The following ENTPD7 variants were observed in gnomAD, a reference collection of about 807,000 sequenced individuals.
The protein encoded by ENTPD7 is ectonucleoside triphosphate diphosphohydrolase 7, also known as NTPDase 7.
Under a neutral mutation model 77.9 loss-of-function variants are expected in ENTPD7, and 53 were observed. The ratio of observed to expected loss-of-function variants is 0.68; its 90% CI spans 0.55 to 0.85. ENTPD7 has a LOEUF of 0.85. Ranked by LOEUF, ENTPD7 falls within the 40% of genes least tolerant of loss-of-function variation. ENTPD7 has a pLI of 0.00. For synonymous variants in ENTPD7, 248 were observed against 274.9 expected (o/e 0.90, Z 0.97); for missense variants, 636 against 743.7 (o/e 0.86, Z 1.68).
In ENTPD7 at chr10:99,704,685, G is replaced by A. The variant is rs2036217051; in HGVS notation, c.*2G>A. The stretch of plus-strand genomic sequence containing the variant: ...ATGGGAGTACAGGTGGGGCCGTGAG[G>A]CTGGACCAGGACTAGAGAAGCTTGA... On this transcript the variant is annotated 3_prime_UTR_variant, in exon 13 of 13. Coordinates refer to ENST00000370489, the MANE Select transcript of ENTPD7 (RefSeq NM_020354.5). 2 of 1,611,626 alleles carry A rather than the reference G, an allele frequency of 1.2e-6. No homozygotes were observed. Among genetic ancestry groups the A allele is most frequent in the Non-Finnish European group, 1.7e-6 (2 of 1,178,810 alleles).
Position 99,710,184 on chromosome 10 carries a change from C to T in ENTPD7, c.*5501C>T, listed in dbSNP as rs1474948953. On this transcript the variant is annotated 3_prime_UTR_variant, in exon 13 of 13. Coordinates refer to ENST00000370489, the MANE Select transcript of ENTPD7 (RefSeq NM_020354.5). ...AGCCCTGGTACTTTCCTAAGTGGCCCCTCCTACAGAGCACTTGCCGGCATT... is the reference window on the plus strand; with the variant it reads ...AGCCCTGGTACTTTCCTAAGTGGCCTCTCCTACAGAGCACTTGCCGGCATT... 1 of 985,286 alleles carries T rather than the reference C, an allele frequency of 1.0e-6. No individual in the cohort carries two copies. The highest frequency in any genetic ancestry group is 1.2e-6 in the Non-Finnish European group (1 of 829,936). 61.0% of individuals were successfully genotyped at this position (985,286 alleles called of 1,614,324 possible).
At chr10:99,689,546 T>C (rs771501876) in intron 7 of ENTPD7, among the ~76,000 whole-genome samples, 2 of 152,190 alleles carry the variant, frequency 1.3e-5, no homozygotes, top group Non-Finnish European at 2.9e-5. Context: ...ATATAGATGT[T>C]TGATTAGACT....
At chr10:99,702,700 T>C in intron 12 of ENTPD7, 27 bp downstream of exon 12, 1 of 1,581,382 alleles carries the variant, frequency 6.3e-7, no homozygotes, top group Non-Finnish European at 8.6e-7. Flanking sequence ...CAATCTGGTA[T>C]CTTGAGCTCA....
chr10:99,688,586 TATG>T, intron 6 of ENTPD7, 105 bp from the exon 7 acceptor site: 1 of 982,750 alleles, frequency 1.0e-6, no homozygotes. Flanking sequence ...AATAAAATAC[TATG>T]ATTACTTTTT....
At chr10:99,694,497 A>C (rs1021613294) in intron 8 of ENTPD7, among the ~76,000 whole-genome samples, 1 of 151,532 alleles carries the variant, frequency 6.6e-6, no homozygotes, top group Non-Finnish European at 1.5e-5. Flanking sequence ...TGCTGCTGTG[A>C]ACATTCATAT....
chr10:99,693,290 A>T (rs186463671), intron 8 of ENTPD7, among the ~76,000 whole-genome samples: 53 of 152,266 alleles, frequency 3.5e-4, no homozygotes, highest in African/African-American at 7.9e-4. Context: ...TCAATTTTGG[A>T]TATATTGAGT....
Position 99,710,310 on chromosome 10 carries a change from T to C in ENTPD7, c.*5627T>C, listed in dbSNP as rs566649622. The C allele has an allele frequency of 1.0e-6, 1 of 985,464 alleles. No homozygotes were observed. The highest frequency in any genetic ancestry group is 4.7e-5 in the South Asian group (1 of 21,284). The allele number at this position is 985,464 out of a possible 1,614,324, so 61.0% of individuals were successfully genotyped here. On this transcript the variant is annotated 3_prime_UTR_variant, in exon 13 of 13. Transcript: ENST00000370489. ...CTTTGGTTTCTAGTGTTTCAGTTAC[T>C]ATGTTGTATTTGAAATTCTCATTCC...
chr10:99,671,822 T>C lies in ENTPD7; in HGVS notation c.192-7439T>C, dbSNP rs575489042. ...TTGTAGCTATTGAAAGGTGGTGCCT[T>C]CATGTTCCTTTACCATCTGGAAATA... is the stretch of plus-strand genomic sequence containing the variant. On this transcript the variant is annotated intron_variant, in intron 3 of 12. Transcript: ENST00000370489. 6.8e-4 allele frequency among the ~76,000 whole-genome samples: 103 copies of C among 152,348 alleles called. 3 individuals are homozygous for C. The South Asian group carries it at 0.019, about 28-fold the overall frequency.
chr10:99,660,533 C>T (rs2035467794), intron 2 of ENTPD7: 2 of 148,308 alleles, frequency 1.3e-5, no homozygotes, highest in Non-Finnish European at 2.6e-5. Context: ...TACGCACACA[C>T]ACACACACAC....
chr10:99,684,793 T>C (rs553865111), intron 5 of ENTPD7, among the ~76,000 whole-genome samples: 126 of 152,356 alleles, frequency 8.3e-4, no homozygotes, highest in Non-Finnish European at 1.2e-3. Context: ...GATTACATGC[T>C]TAAAATGTTA....
intron 8 of ENTPD7, among the ~76,000 whole-genome samples, chr10:99,693,466 C>T (rs892846285): frequency 3.3e-5 from 5 of 152,070 alleles, no homozygotes; most frequent in Non-Finnish European, 5.9e-5. Context: ...ACAGGTAAAA[C>T]GAAGGCATGG....
Position 99,698,687 on chromosome 10 carries a change from C to A in ENTPD7, c.1164C>A (p.Pro388=), listed in dbSNP as rs766418660. ...DWVSCGAMLS[P]LLARSNTSQA... is the part of the protein sequence containing the mutation. The stretch of plus-strand genomic sequence containing the variant: ...TGTCTTGTGGGGCAATGCTGAGCCC[C>A]CTGCTGGCTCGCTCCAACACCAGCC... The change falls in exon 10 of 13, where the codon CCC becomes CCA. Residue 388 remains proline (P), a synonymous_variant. Transcript: ENST00000370489. 1.2e-6 allele frequency: 2 copies of A among 1,614,146 alleles called. No individual in the cohort carries two copies. The highest frequency in any genetic ancestry group is 3.3e-5 in the Admixed American group (2 of 60,012).
chr10:99,696,732 G>C (rs1041228954), intron 9 of ENTPD7, among the ~76,000 whole-genome samples: 53 of 152,094 alleles, frequency 3.5e-4, no homozygotes, highest in African/African-American at 1.3e-3. Context: ...TTTTAAGTCT[G>C]TAAAATTATT....
chr10:99,660,317 C>T, intron 2 of ENTPD7: 3 of 985,320 alleles, frequency 3.0e-6, no homozygotes, highest in Non-Finnish European at 3.6e-6. Flanking sequence ...TAAAAGCAGA[C>T]AGACCGAGGT....
intron 3 of ENTPD7, among the ~76,000 whole-genome samples, chr10:99,674,497 C>T (rs2035656510): frequency 2.0e-5 from 3 of 152,070 alleles, no homozygotes; most frequent in Admixed American, 2.0e-4. Flanking sequence ...TGGTAACTAC[C>T]ATTAAATTTT....
At position 99,707,736 on chromosome 10, in the gene ENTPD7, C is replaced by T. The variant is rs2036280838; in HGVS notation, c.*3053C>T. On this transcript the variant is annotated 3_prime_UTR_variant, in exon 13 of 13. Coordinates refer to ENST00000370489, the MANE Select transcript of ENTPD7 (RefSeq NM_020354.5). ...TTTTTAGTCTTGTGATAGCACAATC[C>T]ATCACTTTCCCCAAAATTCTTGTCA... Among the ~76,000 whole-genome samples, 1 of 152,308 alleles carries T rather than the reference C, an allele frequency of 6.6e-6. No homozygotes were observed. The highest frequency in any genetic ancestry group is 6.5e-5 in the Admixed American group (1 of 15,296).
In ENTPD7 at chr10:99,659,902, T is replaced by A. The variant is rs2035454782; in HGVS notation, c.-55T>A. On this transcript the variant is annotated 5_prime_UTR_variant, in exon 2 of 13. Coordinates refer to ENST00000370489, the MANE Select transcript of ENTPD7 (RefSeq NM_020354.5). This position sits in a 1 kb window ranked among gnomAD's most constrained non-coding sequence, Gnocchi z 4.1. ...GATGCCTGGGACAAGGAGGCCACCT[T>A]CTCAGGGCAAAAGAAAAAGAAGGTG... 5 of 1,613,576 alleles carry A rather than the reference T, an allele frequency of 3.1e-6. No individual in the cohort carries two copies. The highest frequency in any genetic ancestry group is 4.2e-6 in the Non-Finnish European group (5 of 1,179,738).
intron 3 of ENTPD7, among the ~76,000 whole-genome samples, chr10:99,670,740 T>C (rs1208242812): frequency 6.6e-6 from 1 of 152,088 alleles, no homozygotes; most frequent in East Asian, 1.9e-4. Flanking sequence ...TTGGGTCTGG[T>C]ATGGTGGCTC....
At position 99,664,450 on chromosome 10, in the gene ENTPD7, CT is replaced by C. The variant is rs1209558702; in HGVS notation, c.191+2839del. On this transcript the variant is annotated intron_variant, in intron 3 of 12. Transcript: ENST00000370489. ...CTCATTTTTAAAATATTTACATTTT[CT>C]TTTTTTTTTTTTTTTTGAGACAGAG... 7.9e-3 allele frequency among the ~76,000 whole-genome samples: 1,043 copies of C among 131,252 alleles called. 7 individuals carry two copies. Among genetic ancestry groups the C allele is most frequent in the African/African-American group, 0.022 (793 of 35,976 alleles). 86.1% of individuals were successfully genotyped at this position (131,252 alleles called of 152,430 possible). A position where few individuals can be genotyped will look rare whatever the true frequency, so the allele number is the denominator to read the frequency against.
Sources: allele counts gnomAD v4.1 joint callset (sites outside exome capture counted in the v4.1 genomes callset), GRCh38; gene constraint gnomAD v4.1.1; non-coding constraint Gnocchi (gnomAD v3.1); transcripts MANE v1.5; gene names NCBI Gene and HGNC (gene_info 2026-07-23, HGNC 2026-07-21).